Variants in ADORA2B observed in about 807,000 individuals in gnomAD.
ADORA2B encodes adenosine A2b receptor, also known as adenosine receptor A2b.
A neutral mutation model predicts 20.8 loss-of-function variants in ADORA2B; 18 were observed. That is an observed-to-expected ratio of 0.87 (90% CI 0.60 to 1.29). The LOEUF is 1.29. Among genes scored for constraint, ADORA2B ranks in the 50% most tolerant of loss-of-function variants. The pLI, the probability that ADORA2B is intolerant of heterozygous loss-of-function variation, is 0.00. For synonymous variants in ADORA2B, 179 were observed against 178.3 expected (o/e 1.00, Z -0.03); for missense variants, 441 against 422.7 (o/e 1.04, Z -0.38).
the ADORA2B span, among the ~76,000 whole-genome samples, chr17:15,873,294 A>G: frequency 6.6e-6 from 1 of 152,244 alleles, no homozygotes; most frequent in Non-Finnish European, 1.5e-5. Context: ...TAAAAATTTC[A>G]GAAGACAATT....
intron 1 of ADORA2B, 55 bp from the exon 2 acceptor site, chr17:15,974,624 T>C (rs1241106258): frequency 1.4e-6 from 2 of 1,481,188 alleles, no homozygotes; most frequent in Non-Finnish European, 1.8e-6. Context: ...GGGTCTTGGA[T>C]TGTGGTTGCA....
chr17:15,918,438 A>G, the ADORA2B span, among the ~76,000 whole-genome samples: 16 of 152,288 alleles, frequency 1.1e-4, no homozygotes, highest in African/African-American at 3.1e-4. Flanking sequence ...AGGATGCCCA[A>G]TTAAATTTGG....
At chr17:15,892,698 A>G in the ADORA2B span, among the ~76,000 whole-genome samples, 7 of 150,364 alleles carry the variant, frequency 4.7e-5, no homozygotes, top group South Asian at 2.1e-4. Flanking sequence ...CACAGAGTCA[A>G]TTCATTAATA....
At chr17:15,907,138 G>C in the ADORA2B span, among the ~76,000 whole-genome samples, 1 of 152,076 alleles carries the variant, frequency 6.6e-6, no homozygotes. Flanking sequence ...TAGCTTGCCA[G>C]GCTTCAGTCT....
chr17:15,965,022 T>C (rs899107920), intron 1 of ADORA2B, among the ~76,000 whole-genome samples: 2 of 152,106 alleles, frequency 1.3e-5, no homozygotes, highest in African/African-American at 4.8e-5. Flanking sequence ...ATCGTGCCAC[T>C]GCGCTCCAGC....
At chr17:15,952,204 G>A (rs1056063043) in intron 1 of ADORA2B, among the ~76,000 whole-genome samples, 2 of 152,146 alleles carry the variant, frequency 1.3e-5, no homozygotes, top group African/African-American at 4.8e-5. Context: ...TCATTTGTCA[G>A]TTTATTATCA....
chr17:15,900,169 C>G, the ADORA2B span, among the ~76,000 whole-genome samples: 2 of 152,122 alleles, frequency 1.3e-5, no homozygotes, highest in Non-Finnish European at 2.9e-5. Flanking sequence ...TGATGGACAC[C>G]TAAGTTGATT....
At chr17:15,877,234 G>T in the ADORA2B span, among the ~76,000 whole-genome samples, 1 of 152,084 alleles carries the variant, frequency 6.6e-6, no homozygotes, top group Non-Finnish European at 1.5e-5. Context: ...AAGATTGTAG[G>T]TTGATTCTAT....
the ADORA2B span, among the ~76,000 whole-genome samples, chr17:15,860,463 A>G: frequency 6.6e-6 from 1 of 151,220 alleles, no homozygotes; most frequent in Non-Finnish European, 1.5e-5. Context: ...TTTTCCTGCC[A>G]CTCTGTCTCT....
At chr17:15,873,834 G>A in the ADORA2B span, among the ~76,000 whole-genome samples, 1 of 151,986 alleles carries the variant, frequency 6.6e-6, no homozygotes, top group Admixed American at 6.6e-5. Context: ...AAATAGTATG[G>A]CTATTCCTTA....
chr17:15,901,530 C>G, the ADORA2B span, among the ~76,000 whole-genome samples: 1 of 151,572 alleles, frequency 6.6e-6, no homozygotes, highest in Non-Finnish European at 1.5e-5. Flanking sequence ...TTCATATTTA[C>G]TATGTCTACT....
the ADORA2B span, among the ~76,000 whole-genome samples, chr17:15,938,153 C>T: frequency 6.9e-6 from 1 of 144,756 alleles, no homozygotes; most frequent in African/African-American, 2.6e-5. Flanking sequence ...TGCCTGGCAA[C>T]AGAGGGAGAC....
chr17:15,925,789 GA>G, the ADORA2B span, among the ~76,000 whole-genome samples: 2 of 152,142 alleles, frequency 1.3e-5, no homozygotes, highest in African/African-American at 4.8e-5. Flanking sequence ...CCCAGATGGT[GA>G]AACCCTGTCT....
At chr17:15,951,665 G>A (rs900396194) in intron 1 of ADORA2B, among the ~76,000 whole-genome samples, 9 of 152,244 alleles carry the variant, frequency 5.9e-5, no homozygotes, top group African/African-American at 1.9e-4. Context: ...ATGTGTCTTG[G>A]AACCAGGTCA....
At chr17:15,867,659 G>T in the ADORA2B span, among the ~76,000 whole-genome samples, 1 of 150,262 alleles carries the variant, frequency 6.7e-6, no homozygotes, top group Non-Finnish European at 1.5e-5. Flanking sequence ...CGCCCCATCC[G>T]GGAGGGAGGT....
chr17:15,959,976 C>T (rs1218855704), intron 1 of ADORA2B, among the ~76,000 whole-genome samples: 4 of 152,178 alleles, frequency 2.6e-5, no homozygotes, highest in Non-Finnish European at 5.9e-5. Flanking sequence ...TTGTTTTAGT[C>T]TTTCAAGACA....
At chr17:15,957,689 GC>G (rs1439027096) in intron 1 of ADORA2B, among the ~76,000 whole-genome samples, 2 of 152,080 alleles carry the variant, frequency 1.3e-5, no homozygotes, top group Non-Finnish European at 2.9e-5. Flanking sequence ...CTTCCACCTG[GC>G]TCTGGACCCA....
the ADORA2B span, among the ~76,000 whole-genome samples, chr17:15,904,889 G>A: frequency 2.0e-5 from 3 of 152,020 alleles, no homozygotes; most frequent in Admixed American, 1.3e-4. Flanking sequence ...TTATTTCTGA[G>A]CTCTCTTTTG....
the ADORA2B span, among the ~76,000 whole-genome samples, chr17:15,905,240 G>T: frequency 6.8e-6 from 1 of 147,512 alleles, no homozygotes; most frequent in African/African-American, 2.5e-5. Context: ...TATAGATCCT[G>T]CACATATTTT....
Sources: gnomAD v4.1 joint callset for allele counts (sites outside exome capture counted in the v4.1 genomes callset) on GRCh38, gnomAD v4.1.1 for gene constraint, MANE v1.5 for transcripts, NCBI Gene and HGNC (gene_info 2026-07-23, HGNC 2026-07-21) for gene names.